Variants in TFDP2 observed in about 807,000 individuals in gnomAD.
TFDP2 encodes the protein transcription factor Dp-2.
Under a neutral mutation model 59.3 loss-of-function variants are expected in TFDP2, and 17 were observed. The observed-to-expected ratio is 0.29, with a 90% CI of 0.20 to 0.43. The LOEUF (loss-of-function observed/expected upper bound fraction) is 0.43, where lower values mean the gene tolerates loss of function less well. Among genes scored for constraint, TFDP2 ranks in the 20% least tolerant of loss-of-function variants. The pLI is 1.00. For synonymous variants in TFDP2, 180 were observed against 194.7 expected (o/e 0.92, Z 0.63); for missense variants, 391 against 528.8 (o/e 0.74, Z 2.56).
At chr3:142,119,516 T>C (rs2061963863) in intron 1 of TFDP2, among the ~76,000 whole-genome samples, 1 of 152,066 alleles carries the variant, frequency 6.6e-6, no homozygotes, top group African/African-American at 2.4e-5. Flanking sequence ...GTTTGACTGC[T>C]GTGGAAAATA....
intron 3 of TFDP2, among the ~76,000 whole-genome samples, chr3:142,059,802 AAACT>A (rs771449487): frequency 6.6e-6 from 1 of 152,000 alleles, no homozygotes; most frequent in Non-Finnish European, 1.5e-5. Context: ...GGCTGGTCTC[AAACT>A]CCTGATCTCA....
At chr3:142,084,803 C>T (rs1248691545) in intron 3 of TFDP2, among the ~76,000 whole-genome samples, 1 of 151,990 alleles carries the variant, frequency 6.6e-6, no homozygotes, top group Non-Finnish European at 1.5e-5. Flanking sequence ...AGAAAATAAA[C>T]TATGGTTATC....
At chr3:142,017,636 T>C (rs563338452) in intron 3 of TFDP2, among the ~76,000 whole-genome samples, 1 of 148,478 alleles carries the variant, frequency 6.7e-6, no homozygotes, top group Non-Finnish European at 1.5e-5. Context: ...CACTGCAACC[T>C]GTGCCTGCCG....
At position 141,964,091 on chromosome 3, in the gene TFDP2, G is replaced by T. The variant is rs547008591; in HGVS notation, c.733-128C>A. ...AAAGAGACATCCCGCCTGCACTAAT[G>T]AATTAATTTAAAAAATTAAACATTT... is the stretch of plus-strand genomic sequence containing the variant. On this transcript the variant is annotated intron_variant, in intron 9 of 12. Coordinates refer to ENST00000489671, the MANE Select transcript of TFDP2 (RefSeq NM_001178139.2). 2.2e-5 allele frequency: 16 copies of T among 736,718 alleles called. No homozygotes were observed. The Admixed American group carries it at 5.1e-4, about 24-fold the overall frequency. The allele number at this position is 736,718 out of a possible 1,614,324, so 45.6% of individuals were successfully genotyped here. A position where few individuals can be genotyped will look rare whatever the true frequency, so the allele number is the denominator to read the frequency against.
intron 9 of TFDP2, among the ~76,000 whole-genome samples, chr3:141,968,552 TC>T (rs1423183008): frequency 1.9e-5 from 2 of 102,854 alleles, no homozygotes; most frequent in Admixed American, 1.2e-4. Flanking sequence ...TATATATATC[TC>T]ATATATATAG....
intron 1 of TFDP2, among the ~76,000 whole-genome samples, chr3:142,114,657 T>C (rs1386499567): frequency 6.6e-6 from 1 of 152,070 alleles, no homozygotes; most frequent in Non-Finnish European, 1.5e-5. Context: ...GGTTTTTTTT[T>C]TCTTTTTTTC....
At chr3:142,123,424 G>A (rs757650576) in intron 1 of TFDP2, among the ~76,000 whole-genome samples, 5 of 152,084 alleles carry the variant, frequency 3.3e-5, no homozygotes, top group East Asian at 1.9e-4. Flanking sequence ...GTGAGCCATC[G>A]CGCCCAGCAA....
At chr3:141,966,877 A>C (rs1396323289) in intron 9 of TFDP2, among the ~76,000 whole-genome samples, 1 of 151,262 alleles carries the variant, frequency 6.6e-6, no homozygotes, top group South Asian at 2.1e-4. Context: ...TTATAAAAAA[A>C]AATCAAGTGA....
chr3:142,131,385 C>G (rs1232793899), intron 1 of TFDP2, among the ~76,000 whole-genome samples: 1 of 150,092 alleles, frequency 6.7e-6, no homozygotes, highest in Non-Finnish European at 1.5e-5. Context: ...ATACACACCT[C>G]TCAGTAATAA....
At chr3:142,038,611 C>CG (rs1318975647) in intron 3 of TFDP2, among the ~76,000 whole-genome samples, 3 of 151,904 alleles carry the variant, frequency 2.0e-5, no homozygotes, top group Non-Finnish European at 4.4e-5. Flanking sequence ...ATGCTCATGT[C>CG]AGAAAAAACT....
Position 141,967,295 on chromosome 3 carries a change from G to GT in TFDP2, c.732+2777dup, listed in dbSNP as rs918604530. Among the ~76,000 whole-genome samples, 440 of 136,264 alleles carry GT rather than the reference G, an allele frequency of 3.2e-3. 1 individual carries two copies. The highest frequency in any genetic ancestry group is 4.0e-3 in the South Asian group (17 of 4,224). 89.4% of individuals were successfully genotyped at this position (136,264 alleles called of 152,430 possible). On this transcript the variant is annotated intron_variant, in intron 9 of 12. Coordinates refer to ENST00000489671, the MANE Select transcript of TFDP2 (RefSeq NM_001178139.2). ...AATGCTAGGAGGAAATAAGTTTTTTGTTTTTTTTTTTTTTGAGACAGAGTT... is the reference window on the plus strand; with the variant it reads ...AATGCTAGGAGGAAATAAGTTTTTTGTTTTTTTTTTTTTTTGAGACAGAGTT...
At chr3:141,975,085 T>C (rs1364926204) in intron 7 of TFDP2, among the ~76,000 whole-genome samples, 1 of 151,982 alleles carries the variant, frequency 6.6e-6, no homozygotes, top group Non-Finnish European at 1.5e-5. Flanking sequence ...AGCTAATTTT[T>C]CTATTTTTAG....
intron 6 of TFDP2, among the ~76,000 whole-genome samples, chr3:141,987,369 G>A (rs1231386673): frequency 6.6e-6 from 1 of 150,544 alleles, no homozygotes; most frequent in African/African-American, 2.5e-5. Context: ...TGCAGCCTCT[G>A]CCTCCAGGTT....
intron 1 of TFDP2, among the ~76,000 whole-genome samples, chr3:142,142,717 A>G (rs1358941009): frequency 6.6e-6 from 1 of 152,242 alleles, no homozygotes; most frequent in Non-Finnish European, 1.5e-5. Flanking sequence ...ACAGAGCTAT[A>G]GTAACCAAAA....
intron 3 of TFDP2, among the ~76,000 whole-genome samples, chr3:142,045,154 C>CT (rs566115352): frequency 0.022 from 2,973 of 137,698 alleles, 48 homozygotes; most frequent in South Asian, 0.063. Context: ...AATCTCTTTC[C>CT]TTTTTTTTTT....
At chr3:142,018,928 A>AATT (rs756062204) in intron 3 of TFDP2, among the ~76,000 whole-genome samples, 2 of 23,712 alleles carry the variant, frequency 8.4e-5, no homozygotes, top group Non-Finnish European at 1.5e-4. Flanking sequence ...GTTTTTGGTG[A>AATT]GTTTTTTTTT....
intron 3 of TFDP2, among the ~76,000 whole-genome samples, chr3:142,031,192 G>A (rs1225511762): frequency 1.3e-5 from 2 of 152,194 alleles, no homozygotes; most frequent in African/African-American, 2.4e-5. Context: ...TGTGATAACT[G>A]AGGTCAAGTG....
chr3:142,139,522 G>A (rs956398989), intron 1 of TFDP2, among the ~76,000 whole-genome samples: 11 of 152,076 alleles, frequency 7.2e-5, no homozygotes, highest in African/African-American at 2.2e-4. Context: ...TCCTTTCTAC[G>A]TTTAGCACTT....
chr3:142,062,495 A>G (rs1363788161), intron 3 of TFDP2, among the ~76,000 whole-genome samples: 1 of 151,646 alleles, frequency 6.6e-6, no homozygotes, highest in Non-Finnish European at 1.5e-5. Flanking sequence ...ACCCTGACTA[A>G]TGCACATTAG....
Sources: allele counts gnomAD v4.1 joint callset (sites outside exome capture counted in the v4.1 genomes callset), GRCh38; gene constraint gnomAD v4.1.1; transcripts MANE v1.5; gene names NCBI Gene and HGNC (gene_info 2026-07-23, HGNC 2026-07-21).